The following EPHA10 variants were observed in gnomAD, a reference collection of about 807,000 sequenced individuals.
The protein encoded by EPHA10 is ephrin type-A receptor 10.
Under a neutral mutation model 109.7 loss-of-function variants are expected in EPHA10, and 120 were observed. The observed-to-expected ratio is 1.09, with a 90% CI of 0.94 to 1.27. The LOEUF is 1.27. Among genes scored for constraint, EPHA10 ranks in the 50% most tolerant of loss-of-function variants. The pLI, the probability that EPHA10 is intolerant of heterozygous loss-of-function variation, is 0.00. For synonymous variants in EPHA10, 640 were observed against 618.9 expected, an observed-to-expected ratio of 1.03 and a Z score of -0.51; for missense variants, 1,396 against 1,411.1, an observed-to-expected ratio of 0.99 and a Z score of 0.17.
Position 37,754,065 on chromosome 1 carries a change from G to GCCGCC in EPHA10, c.1006+149_1006+150insGGCGG. On this transcript the variant is annotated intron_variant, in intron 4 of 16. Coordinates refer to ENST00000373048, the MANE Select transcript of EPHA10 (RefSeq NM_001099439.2). The surrounding 1 kb of genome is among the most constrained non-coding windows in gnomAD (Gnocchi z 4.5). ...GGGCGCGTCCAGGCTCCGCTCCCCCGTACGCCGCCTTCCGGGGCGCTGGCC... is the reference window on the plus strand; with the variant it reads ...GGGCGCGTCCAGGCTCCGCTCCCCCGCCGCCTACGCCGCCTTCCGGGGCGCTGGCC... 1 of 913,110 alleles carries GCCGCC rather than the reference G, an allele frequency of 1.1e-6. No individual in the cohort carries two copies. Among genetic ancestry groups the GCCGCC allele is most frequent in the Non-Finnish European group, 1.4e-6 (1 of 695,296 alleles). The allele number at this position is 913,110 out of a possible 1,614,324, so 56.6% of individuals were successfully genotyped here. A position where few individuals can be genotyped will look rare whatever the true frequency, so the allele number is the denominator to read the frequency against.
At chr1:37,720,646 T>G in intron 12 of EPHA10, 92 bp from the exon 13 acceptor site, 1 of 1,533,346 alleles carries the variant, frequency 6.5e-7, no homozygotes, top group South Asian at 1.2e-5. Context: ...TCGCCAGGCT[T>G]TAGTTCACCC....
At position 37,761,411 on chromosome 1, in the gene EPHA10, A is replaced by T. The variant is rs776221319; in HGVS notation, c.844T>A (p.Cys282Ser). The T allele has an allele frequency of 6.3e-7, 1 of 1,599,382 alleles. No individual in the cohort carries two copies. The highest frequency in any genetic ancestry group is 1.3e-5 in the African/African-American group (1 of 74,994). ...SAGFQERGDF[C>S]EACPPGFYKV... ...CCCCCAGCCAACTGGATACCTTCGC[A>T]GAAGTCACCACGCTCCTGGAATCCC... Residue 282 changes from cysteine to serine, a missense_variant, in exon 3 of 17, where the codon TGC becomes AGC. Coordinates refer to ENST00000373048, the MANE Select transcript of EPHA10 (RefSeq NM_001099439.2).
At position 37,753,243 on chromosome 1, in the gene EPHA10, G is replaced by A. The variant is rs1156367589; in HGVS notation, c.1007-17C>T. On this transcript the variant is annotated splice_polypyrimidine_tract_variant and intron_variant, in intron 4 of 16. Transcript: ENST00000373048. Reference sequence around the variant, plus strand: ...ACGGCGGCCCTGAGGCGGCACAGGGGCGGGGCGGTCAGGGCGGGGCGTGGG... The same window carrying A: ...ACGGCGGCCCTGAGGCGGCACAGGGACGGGGCGGTCAGGGCGGGGCGTGGG... The A allele has an allele frequency of 1.1e-5, 14 of 1,297,068 alleles. No homozygotes were observed. In the East Asian group the frequency reaches 3.5e-4, roughly 32 times the overall value. The allele number at this position is 1,297,068 out of a possible 1,614,324, so 80.3% of individuals were successfully genotyped here.
At chr1:37,755,186 C>G (rs1646383148) in intron 3 of EPHA10, among the ~76,000 whole-genome samples, 1 of 152,222 alleles carries the variant, frequency 6.6e-6, no homozygotes, top group East Asian at 1.9e-4. Flanking sequence ...GGATCCCAAC[C>G]CAAGCCCACA....
chr1:37,741,972 T>C (rs923392215), intron 5 of EPHA10, among the ~76,000 whole-genome samples: 2 of 152,116 alleles, frequency 1.3e-5, no homozygotes, highest in Non-Finnish European at 2.9e-5. Context: ...TCCTTGCGAA[T>C]ACAGATGGGG....
At chr1:37,719,111 A>C in intron 15 of EPHA10, 3 of 589,390 alleles carry the variant, frequency 5.1e-6, no homozygotes, top group Non-Finnish European at 9.0e-6. Context: ...AACGAATATT[A>C]ATTTCACATA....
intron 5 of EPHA10, among the ~76,000 whole-genome samples, chr1:37,740,363 G>A (rs1646134975): frequency 6.6e-6 from 1 of 151,900 alleles, no homozygotes; most frequent in African/African-American, 2.4e-5. Context: ...TGGAGAGCAG[G>A]GGCGGGATCT....
intron 4 of EPHA10, among the ~76,000 whole-genome samples, chr1:37,753,738 G>A (rs1366083485): frequency 6.6e-6 from 1 of 150,528 alleles, no homozygotes; most frequent in Non-Finnish European, 1.5e-5. Flanking sequence ...GGGAGGAGGG[G>A]CTTGCCCCGG....
chr1:37,723,579 C>G (rs567835617), intron 8 of EPHA10, among the ~76,000 whole-genome samples: 64 of 152,330 alleles, frequency 4.2e-4, no homozygotes, highest in Admixed American at 1.4e-3. Flanking sequence ...TAGACCAAAC[C>G]GTCACCACCA....
intron 5 of EPHA10, among the ~76,000 whole-genome samples, chr1:37,751,871 CAA>C (rs150137057): frequency 7.8e-6 from 1 of 127,634 alleles, no homozygotes. Flanking sequence ...GACTCTGTCT[CAA>C]AAAAAAAAAA....
At chr1:37,757,893 C>T (rs1382730345) in intron 3 of EPHA10, among the ~76,000 whole-genome samples, 1 of 152,134 alleles carries the variant, frequency 6.6e-6, no homozygotes, top group Non-Finnish European at 1.5e-5. Flanking sequence ...AACATCTGCC[C>T]ATCAGAATAC....
chr1:37,762,053 C>A lies in EPHA10; in HGVS notation c.202G>T (p.Asp68Tyr). 1 of 1,601,262 alleles carries A rather than the reference C, an allele frequency of 6.2e-7. No homozygotes were observed. Among genetic ancestry groups the A allele is most frequent in the South Asian group, 1.1e-5 (1 of 89,212 alleles). The change falls in exon 3 of 17, where the codon GAC becomes TAC. Residue 68 changes from aspartate to tyrosine, a missense_variant. Transcript: ENST00000373048. ...ACTTGGTACGTGCGGATGGGACGGT[C>A]GTGTTCATCCACGCCGCTGATCTCC... The part of the protein sequence containing the change: ...WEEISGVDEH[D>Y]RPIRTYQVCN...
Position 37,761,424 on chromosome 1 carries a change from C to T in EPHA10, c.831G>A (p.Glu277=), listed in dbSNP as rs767564051. ...GRCSCSAGFQ[E]RGDFCEACPP... ...GGATACCTTCGCAGAAGTCACCACG[C>T]TCCTGGAATCCCGCGCTGCAGCTGC... The change falls in exon 3 of 17, where the codon GAG becomes GAA. Residue 277 remains glutamate, a synonymous_variant. Transcript: ENST00000373048. 5 of 1,599,434 alleles carry T rather than the reference C, an allele frequency of 3.1e-6. No homozygotes were observed. In the African/African-American group the frequency reaches 6.7e-5, roughly 21 times the overall value.
chr1:37,721,574 G>A lies in EPHA10; in HGVS notation c.2146+86C>T, dbSNP rs1370862992. Reference sequence around the variant, plus strand: ...CATAGCTGAGGGAAGGACCTGGAGAGGCAGGGGCACTCCAAACTCCCACAC... The same window carrying A: ...CATAGCTGAGGGAAGGACCTGGAGAAGCAGGGGCACTCCAAACTCCCACAC... On this transcript the variant is annotated intron_variant, in intron 11 of 16. Coordinates refer to ENST00000373048, the MANE Select transcript of EPHA10 (RefSeq NM_001099439.2). 1.2e-5 allele frequency: 16 copies of A among 1,377,822 alleles called. No homozygotes were observed. In the East Asian group the frequency reaches 4.2e-4, roughly 36 times the overall value. 85.3% of individuals were successfully genotyped at this position (1,377,822 alleles called of 1,614,324 possible).
Position 37,737,080 on chromosome 1 carries a change from G to A in EPHA10, c.1358-1690C>T, listed in dbSNP as rs561963167. Among the ~76,000 whole-genome samples, 7 of 152,100 alleles carry A rather than the reference G, an allele frequency of 4.6e-5. No individual in the cohort carries two copies. The South Asian group carries it at 1.5e-3, about 32-fold the overall frequency. On this transcript the variant is annotated intron_variant, in intron 5 of 16. Transcript: ENST00000373048. ...ATCAAAATCCCAGGCATTTTTTGCAGAAATAGAAAAAACATCCTAAAATTC... is the reference window on the plus strand; with the variant it reads ...ATCAAAATCCCAGGCATTTTTTGCAAAAATAGAAAAAACATCCTAAAATTC...
chr1:37,723,233 G>A (rs1645830878), intron 9 of EPHA10, 67 bp from the exon 10 acceptor site: 1 of 1,606,410 alleles, frequency 6.2e-7, no homozygotes, highest in Non-Finnish European at 8.5e-7. Flanking sequence ...GCGGGCTCAT[G>A]CAGTGTAGCA....
intron 3 of EPHA10, among the ~76,000 whole-genome samples, chr1:37,759,307 T>C (rs1646413509): frequency 6.6e-6 from 1 of 152,086 alleles, no homozygotes; most frequent in Non-Finnish European, 1.5e-5. Flanking sequence ...CACCCCCACA[T>C]GCCCTCTGCT....
In EPHA10 at chr1:37,716,798, AG is replaced by A. The variant is rs1207955853; in HGVS notation, c.*1573del. The A allele has an allele frequency of 4.3e-6, 1 of 232,356 alleles. No individual in the cohort carries two copies. Among genetic ancestry groups the A allele is most frequent in the African/African-American group, 2.2e-5 (1 of 45,250 alleles). 14.4% of individuals were successfully genotyped at this position (232,356 alleles called of 1,614,324 possible). ...AAGAACCTTCCCTTTCCCACCTGCA[AG>A]GCCCTGTTCAACTTACATCTCAACT... On this transcript the variant is annotated 3_prime_UTR_variant, in exon 17 of 17. Coordinates refer to ENST00000373048, the MANE Select transcript of EPHA10 (RefSeq NM_001099439.2).
intron 7 of EPHA10, among the ~76,000 whole-genome samples, chr1:37,728,903 G>A (rs543622774): frequency 3.0e-4 from 45 of 152,244 alleles, no homozygotes; most frequent in African/African-American, 1.0e-3. Flanking sequence ...ACACAGAAAC[G>A]GAGAAAGATG....
Sources: gnomAD v4.1 joint callset for allele counts (sites outside exome capture counted in the v4.1 genomes callset) on GRCh38, gnomAD v4.1.1 for gene constraint, Gnocchi (gnomAD v3.1) non-coding constraint, MANE v1.5 for transcripts, NCBI Gene and HGNC (gene_info 2026-07-23, HGNC 2026-07-21) for gene names.